The following CNTNAP2 variants were observed in gnomAD, a reference collection of about 807,000 sequenced individuals.
CNTNAP2 encodes contactin-associated protein-like 2.
CNTNAP2 carries 98 observed loss-of-function variants against 155.2 expected under a neutral mutation model. The ratio of observed to expected loss-of-function variants is 0.63; its 90% CI spans 0.54 to 0.75. The LOEUF is 0.75. CNTNAP2 is among the 30% of genes least tolerant of loss of function. CNTNAP2 has a pLI of 0.00. For missense variants in CNTNAP2, 1,727 were observed against 1,688.1 expected (o/e 1.02, Z -0.40); for synonymous variants, 651 against 631.2 (o/e 1.03, Z -0.47).
At chr7:146,237,973 C>G (rs1377683495) in intron 1 of CNTNAP2, among the ~76,000 whole-genome samples, 3 of 152,124 alleles carry the variant, frequency 2.0e-5, no homozygotes, top group African/African-American at 4.8e-5. Context: ...ATTACAGTTT[C>G]AAATCTAAAT....
intron 20 of CNTNAP2, among the ~76,000 whole-genome samples, chr7:148,261,998 T>C (rs954588359): frequency 7.2e-5 from 11 of 152,170 alleles, no homozygotes; most frequent in African/African-American, 2.7e-4. Flanking sequence ...TTGTTTATCA[T>C]AGAGCTTATA....
intron 1 of CNTNAP2, among the ~76,000 whole-genome samples, chr7:146,553,900 G>A (rs1406729185): frequency 6.6e-6 from 1 of 152,084 alleles, no homozygotes; most frequent in African/African-American, 2.4e-5. Context: ...TTTAATAGGT[G>A]AATATAAAAT....
At chr7:147,925,664 T>C (rs1270807139) in intron 14 of CNTNAP2, among the ~76,000 whole-genome samples, 1 of 152,106 alleles carries the variant, frequency 6.6e-6, no homozygotes, top group Admixed American at 6.5e-5. Flanking sequence ...GGTTTCACCA[T>C]GTTAGCCAGG....
intron 4 of CNTNAP2, among the ~76,000 whole-genome samples, chr7:147,051,023 C>A (rs1046392302): frequency 6.6e-6 from 1 of 151,712 alleles, no homozygotes; most frequent in Admixed American, 6.6e-5. Context: ...CTAAGGACAT[C>A]GGTTATTGGA....
At chr7:148,088,583 T>C (rs562185017) in intron 15 of CNTNAP2, among the ~76,000 whole-genome samples, 2 of 152,046 alleles carry the variant, frequency 1.3e-5, no homozygotes, top group Admixed American at 1.3e-4. Flanking sequence ...AATAAATTCT[T>C]AGTCTCATAG....
At chr7:147,961,082 A>C (rs1451349434) in intron 14 of CNTNAP2, among the ~76,000 whole-genome samples, 1 of 151,988 alleles carries the variant, frequency 6.6e-6, no homozygotes, top group South Asian at 2.1e-4. Context: ...ATTCCATACA[A>C]TTCTGTCTCC....
rs193150418 is a variant in CNTNAP2 at position 146,571,225 on chromosome 7, A to G, written c.98-203046A>G. Among the ~76,000 whole-genome samples, 725 of 152,290 alleles carry G rather than the reference A, an allele frequency of 4.8e-3. 5 individuals are homozygous for G. The highest frequency in any genetic ancestry group is 0.016 in the African/African-American group (674 of 41,578). ...AAATAATACTGTTGGCAGACTGTAT[A>G]TGAGCTGTGGAAAGGATTGCAAACT... On this transcript the variant is annotated intron_variant, in intron 1 of 23. Transcript: ENST00000361727.
intron 1 of CNTNAP2, among the ~76,000 whole-genome samples, chr7:146,423,058 T>C (rs927031695): frequency 6.6e-6 from 1 of 152,110 alleles, no homozygotes; most frequent in Admixed American, 6.6e-5. Context: ...AGTTATTTAA[T>C]TATTGTAGTT....
At chr7:147,473,892 A>C (rs7777253) in intron 10 of CNTNAP2, among the ~76,000 whole-genome samples, 118,239 of 151,660 alleles carry the variant, frequency 0.78, 46,439 homozygotes, top group African/African-American at 0.87. Flanking sequence ...CCAGCCTGAC[A>C]AACATGGAGA....
intron 8 of CNTNAP2, among the ~76,000 whole-genome samples, chr7:147,182,674 C>T (rs895564978): frequency 6.6e-6 from 1 of 151,914 alleles, no homozygotes; most frequent in African/African-American, 2.4e-5. Flanking sequence ...GTTTGCTAAT[C>T]TTGAACCTTG....
At chr7:147,468,853 TC>T (rs67839065) in intron 10 of CNTNAP2, among the ~76,000 whole-genome samples, 10 of 145,648 alleles carry the variant, frequency 6.9e-5, no homozygotes, top group East Asian at 2.0e-4. Context: ...TTTTTTTTTT[TC>T]CCCCCAGACA....
chr7:147,112,986 G>A (rs1800913226), intron 5 of CNTNAP2, among the ~76,000 whole-genome samples: 1 of 152,070 alleles, frequency 6.6e-6, no homozygotes, highest in African/African-American at 2.4e-5. Flanking sequence ...TGGACCTCTG[G>A]TAGAATGCAG....
At chr7:147,052,123 A>C (rs184861687) in intron 4 of CNTNAP2, among the ~76,000 whole-genome samples, 271 of 152,242 alleles carry the variant, frequency 1.8e-3, no homozygotes, top group Admixed American at 7.7e-3. Context: ...ATTCAGTTGA[A>C]ATGCAGTCTT....
At chr7:146,628,046 A>G (rs570830894) in intron 1 of CNTNAP2, among the ~76,000 whole-genome samples, 7 of 152,148 alleles carry the variant, frequency 4.6e-5, no homozygotes, top group Non-Finnish European at 8.8e-5. Context: ...GTTTTTCCAA[A>G]GATATATTTA....
chr7:147,069,060 G>A (rs1450729790), intron 4 of CNTNAP2, among the ~76,000 whole-genome samples: 1 of 152,090 alleles, frequency 6.6e-6, no homozygotes, highest in African/African-American at 2.4e-5. Context: ...GAGAGGAAGT[G>A]CCAGGCCATT....
At chr7:146,487,124 A>G (rs544884601) in intron 1 of CNTNAP2, among the ~76,000 whole-genome samples, 1 of 152,218 alleles carries the variant, frequency 6.6e-6, no homozygotes, top group Admixed American at 6.5e-5. Context: ...CGTATAAGTC[A>G]TGATCTCATT....
intron 13 of CNTNAP2, among the ~76,000 whole-genome samples, chr7:147,793,440 C>T (rs918477653): frequency 6.6e-6 from 1 of 152,034 alleles, no homozygotes; most frequent in Non-Finnish European, 1.5e-5. Flanking sequence ...TTGAAAAATA[C>T]TGCTTTTTCC....
chr7:146,898,786 A>G (rs955272239), intron 3 of CNTNAP2, among the ~76,000 whole-genome samples: 6 of 152,062 alleles, frequency 3.9e-5, no homozygotes, highest in Admixed American at 3.9e-4. Flanking sequence ...ATGCAATGAA[A>G]AAAAAGACAC....
intron 1 of CNTNAP2, among the ~76,000 whole-genome samples, chr7:146,302,249 G>A (rs985063617): frequency 6.6e-6 from 1 of 152,038 alleles, no homozygotes; most frequent in Non-Finnish European, 1.5e-5. Flanking sequence ...TATAATAGAA[G>A]TTTGTTTTGT....
Sources: gnomAD v4.1 joint callset for allele counts (sites outside exome capture counted in the v4.1 genomes callset) on GRCh38, gnomAD v4.1.1 for gene constraint, MANE v1.5 for transcripts, NCBI Gene and HGNC (gene_info 2026-07-23, HGNC 2026-07-21) for gene names.